Variants in NEIL3 observed in about 807,000 individuals in gnomAD.
NEIL3 encodes nei like DNA glycosylase 3.
In NEIL3, 48 loss-of-function variants were observed where a neutral mutation model predicts 57.5. The ratio of observed to expected loss-of-function variants is 0.83; its 90% CI spans 0.66 to 1.06. The LOEUF is 1.06. NEIL3 is among the 50% of genes least tolerant of loss of function. The pLI is 0.00. For missense variants in NEIL3, 717 were observed against 739.1 expected (o/e 0.97, Z 0.35); for synonymous variants, 261 against 253.2 (o/e 1.03, Z -0.29).
intron 8 of NEIL3, among the ~76,000 whole-genome samples, chr4:177,356,528 C>T (rs1735476395): frequency 6.6e-6 from 1 of 152,164 alleles, no homozygotes; most frequent in Non-Finnish European, 1.5e-5. Context: ...CATTTTTCTC[C>T]TTGTCTGGCA....
At chr4:177,344,780 T>C (rs1180996927) in intron 6 of NEIL3, among the ~76,000 whole-genome samples, 1 of 152,172 alleles carries the variant, frequency 6.6e-6, no homozygotes, top group Non-Finnish European at 1.5e-5. Context: ...CAGGCTGGTC[T>C]CAAACTCCTG....
chr4:177,352,719 A>G (rs1161193723), intron 7 of NEIL3, among the ~76,000 whole-genome samples: 1 of 151,700 alleles, frequency 6.6e-6, no homozygotes, highest in Non-Finnish European at 1.5e-5. Flanking sequence ...AATCCCAGCT[A>G]CTCGGGAGTT....
At chr4:177,360,463 C>T in intron 8 of NEIL3, 40 bp from the exon 9 acceptor site, 1 of 1,495,030 alleles carries the variant, frequency 6.7e-7, no homozygotes, top group Non-Finnish European at 9.1e-7. Flanking sequence ...GGTCCCTTAG[C>T]ACTCCTATGC....
intron 8 of NEIL3, among the ~76,000 whole-genome samples, chr4:177,359,800 A>G (rs1735571345): frequency 6.6e-6 from 1 of 152,222 alleles, no homozygotes; most frequent in Admixed American, 6.5e-5. Context: ...TTATACAGCT[A>G]CAGTACAAGG....
At chr4:177,345,767 A>G (rs573852620) in intron 6 of NEIL3, among the ~76,000 whole-genome samples, 3 of 145,404 alleles carry the variant, frequency 2.1e-5, no homozygotes, top group African/African-American at 5.2e-5. Flanking sequence ...TCAGCTCACT[A>G]CAACTTCCAC....
In NEIL3 at chr4:177,314,363, G is replaced by T. The variant is rs544633249; in HGVS notation, c.156+4254G>T. Among the ~76,000 whole-genome samples, 6 of 152,336 alleles carry T rather than the reference G, an allele frequency of 3.9e-5. No homozygotes were observed. The East Asian group carries it at 1.2e-3, about 29-fold the overall frequency. ...GCATGCTGCAGAGAAGAGAGCATCT[G>T]ATCATCTTGATTTTGAATTCCCATT... On this transcript the variant is annotated intron_variant, in intron 1 of 9. Coordinates refer to ENST00000264596, the MANE Select transcript of NEIL3 (RefSeq NM_018248.3).
At chr4:177,366,691 G>A (rs74288349), downstream of NEIL3, among the ~76,000 whole-genome samples, 923 of 152,240 alleles carry the variant, frequency 6.1e-3, 45 homozygotes, top group East Asian at 0.12. Context: ...GAGCCACCGC[G>A]CCAGGCCTCC....
At chr4:177,348,565 C>T (rs1735273503) in intron 6 of NEIL3, among the ~76,000 whole-genome samples, 1 of 152,112 alleles carries the variant, frequency 6.6e-6, no homozygotes, top group Non-Finnish European at 1.5e-5. Context: ...ATTACCGCTG[C>T]CTGCAATCCT....
the NEIL3 span, among the ~76,000 whole-genome samples, chr4:177,371,175 A>T: frequency 6.6e-6 from 1 of 152,216 alleles, no homozygotes; most frequent in Non-Finnish European, 1.5e-5. Flanking sequence ...CAACAATTCC[A>T]TATCTACCTT....
chr4:177,317,592 C>CTTT (rs1734598609), intron 1 of NEIL3, among the ~76,000 whole-genome samples: 7 of 79,062 alleles, frequency 8.9e-5, no homozygotes, highest in Non-Finnish European at 1.6e-4. Context: ...TTAGAACTTT[C>CTTT]TTTTCTTTTT....
At chr4:177,341,756 A>G (rs1332961628) in intron 6 of NEIL3, 114 bp downstream of exon 6, 10 of 919,042 alleles carry the variant, frequency 1.1e-5, no homozygotes, top group Non-Finnish European at 1.3e-5. Context: ...AACGTGACTC[A>G]AAAGTATTTT....
intron 4 of NEIL3, 83 bp from the exon 5 acceptor site, chr4:177,339,700 T>G (rs1451492823): frequency 5.6e-6 from 5 of 888,990 alleles, no homozygotes; most frequent in Non-Finnish European, 9.1e-6. Context: ...ACAGTTCTCT[T>G]TCACAGAATT....
At position 177,322,553 on chromosome 4, in the gene NEIL3, T is replaced by G; in HGVS notation, c.251T>G (p.Phe84Cys). ...GTGGAAACTTTGGGGAAGGAGCTCT[T>G]TATGTACTTTGGACCAAAAGCTTTA... Reference protein sequence around the residue: ...SGVETLGKELFMYFGPKALRI... With the variant: ...SGVETLGKELCMYFGPKALRI... The change falls in exon 2 of 10, where the codon TTT becomes TGT. Residue 84 changes from phenylalanine to cysteine, a missense_variant. Phe to Cys is a radical substitution (Grantham distance 205, BLOSUM62 -2). Transcript: ENST00000264596. 1 of 1,613,904 alleles carries G rather than the reference T, an allele frequency of 6.2e-7. No individual in the cohort carries two copies. The highest frequency in any genetic ancestry group is 8.5e-7 in the Non-Finnish European group (1 of 1,179,812).
chr4:177,329,054 A>G (rs984562838), intron 2 of NEIL3, among the ~76,000 whole-genome samples: 1 of 152,170 alleles, frequency 6.6e-6, no homozygotes, highest in Non-Finnish European at 1.5e-5. Context: ...GATAACTTGT[A>G]TCACAGTGTA....
At chr4:177,356,408 C>A (rs1448259263) in intron 8 of NEIL3, among the ~76,000 whole-genome samples, 2 of 152,164 alleles carry the variant, frequency 1.3e-5, no homozygotes, top group Non-Finnish European at 2.9e-5. Context: ...CACAATCAAT[C>A]AAGATCAACT....
chr4:177,362,956 A>C (rs768659396), downstream of NEIL3: 3 of 152,216 alleles, frequency 2.0e-5, no homozygotes, highest in Non-Finnish European at 2.9e-5. Flanking sequence ...CTATTTTTAA[A>C]ATTCTGTTCA....
chr4:177,330,058 C>A (rs1312166899), intron 2 of NEIL3, among the ~76,000 whole-genome samples: 1 of 152,102 alleles, frequency 6.6e-6, no homozygotes, highest in African/African-American at 2.4e-5. Flanking sequence ...ATTACAGACG[C>A]CTGCTACCAT....
chr4:177,353,813 T>G (rs1488851447), intron 8 of NEIL3, 85 bp downstream of exon 8: 1 of 1,183,266 alleles, frequency 8.5e-7, no homozygotes, highest in Non-Finnish European at 1.2e-6. Context: ...TCACCTAGGC[T>G]ACAGTGCAGT....
chr4:177,364,896 C>G (rs1370557459), downstream of NEIL3, among the ~76,000 whole-genome samples: 9 of 151,192 alleles, frequency 6.0e-5, no homozygotes, highest in Admixed American at 5.9e-4. Context: ...CCATTGCACT[C>G]CAGCCTGGTG....
Sources: allele counts gnomAD v4.1 joint callset (sites outside exome capture counted in the v4.1 genomes callset), GRCh38; gene constraint gnomAD v4.1.1; transcripts MANE v1.5; gene names NCBI Gene and HGNC (gene_info 2026-07-23, HGNC 2026-07-21).